The following CSMD2 variants were observed in gnomAD, a reference collection of about 807,000 sequenced individuals.
The protein encoded by CSMD2 is CUB and Sushi multiple domains 2.
A neutral mutation model predicts 398.5 loss-of-function variants in CSMD2; 130 were observed. That is an observed-to-expected ratio of 0.33 (90% confidence interval 0.28 to 0.38). The LOEUF (loss-of-function observed/expected upper bound fraction) is 0.38. Among genes scored for constraint, CSMD2 ranks in the 10% least tolerant of loss-of-function variants. CSMD2 has a pLI of 1.00. For synonymous variants in CSMD2, 1,828 were observed against 1,908.5 expected (o/e 0.96, Z 1.10); for missense variants, 3,829 against 4,764.9 (o/e 0.80, Z 5.78).
At chr1:33,557,963 T>C in intron 54 of CSMD2, 41 bp from the exon 55 acceptor site, 1 of 1,504,486 alleles carries the variant, frequency 6.6e-7, no homozygotes, top group African/African-American at 1.4e-5. Context: ...GGATTCCCAG[T>C]ATAGTAAAAT....
intron 41 of CSMD2, 91 bp from the exon 42 acceptor site, chr1:33,605,561 G>T: frequency 7.9e-7 from 1 of 1,262,800 alleles, no homozygotes; most frequent in Non-Finnish European, 1.1e-6. Flanking sequence ...TCAAGATTTG[G>T]ACTCAGATGG....
At chr1:33,563,791 A>C (rs1658797323) in intron 53 of CSMD2, among the ~76,000 whole-genome samples, 2 of 152,266 alleles carry the variant, frequency 1.3e-5, no homozygotes, top group African/African-American at 4.8e-5. Context: ...ATTGTCAAAC[A>C]GCTGTATGGA....
intron 6 of CSMD2, among the ~76,000 whole-genome samples, chr1:33,842,936 G>C (rs1661000398): frequency 6.6e-6 from 1 of 152,136 alleles, no homozygotes; most frequent in African/African-American, 2.4e-5. Context: ...GCTTGACCTG[G>C]AACATATCTT....
At chr1:33,831,689 A>C (rs1659583977) in intron 6 of CSMD2, among the ~76,000 whole-genome samples, 1 of 152,210 alleles carries the variant, frequency 6.6e-6, no homozygotes, top group South Asian at 2.1e-4. Flanking sequence ...AATGGACTAA[A>C]TGCTCCAATT....
rs144356782 is a variant in CSMD2, at chr1:33,519,622, G to A, written c.10792C>T (p.Arg3598Trp). 3.7e-6 allele frequency: 6 copies of A among 1,614,082 alleles called. No homozygotes were observed. The highest frequency in any genetic ancestry group is 1.6e-4 in the Middle Eastern group (1 of 6,062). The change falls in exon 70 of 71, where the codon CGG (arginine) becomes TGG (tryptophan). Residue 3598 changes from arginine to tryptophan, a missense_variant. Physicochemically the swap from Arg to Trp is moderately radical, Grantham distance 101. Around this residue, in one of 5 missense-constraint regions of CSMD2, gnomAD observed 917 missense variants for 1,199.5 expected, o/e 0.76. Coordinates refer to ENST00000373381, the MANE Select transcript of CSMD2 (RefSeq NM_001281956.2). The surrounding 1 kb of genome is among the most constrained non-coding windows in gnomAD (Gnocchi z 5.6). ...GYAGHENTNV[R>W]ATFENPMYDR... ...TACATTGGGTTCTCAAATGTGGCCC[G>A]AACATTGGTGTTCTCGTGGCCAGCA...
chr1:33,632,596 T>C (rs1267876145), intron 32 of CSMD2, among the ~76,000 whole-genome samples: 1 of 152,180 alleles, frequency 6.6e-6, no homozygotes, highest in Non-Finnish European at 1.5e-5. Context: ...TTTTGTTTTT[T>C]TAATTACCTG....
intron 10 of CSMD2, among the ~76,000 whole-genome samples, chr1:33,806,231 GCTGA>G (rs1490001263): frequency 1.3e-5 from 2 of 152,166 alleles, no homozygotes; most frequent in African/African-American, 2.4e-5. Context: ...GGATCTGGAG[GCTGA>G]CTGTTTATCT....
chr1:33,663,883 G>A (rs1193747875), intron 25 of CSMD2, among the ~76,000 whole-genome samples: 2 of 152,078 alleles, frequency 1.3e-5, no homozygotes, highest in Non-Finnish European at 2.9e-5. Flanking sequence ...AAGACAATAC[G>A]GTGTTCCCAT....
chr1:33,585,877 TTTATG>T (rs1639050491), intron 46 of CSMD2, among the ~76,000 whole-genome samples: 1 of 152,172 alleles, frequency 6.6e-6, no homozygotes, highest in African/African-American at 2.4e-5. Flanking sequence ...TCTAAACTGG[TTTATG>T]TTATTAACCC....
chr1:33,582,059 T>A (rs1638764127), intron 47 of CSMD2, among the ~76,000 whole-genome samples: 1 of 152,166 alleles, frequency 6.6e-6, no homozygotes. Context: ...AGCTCCAGCC[T>A]TCCTGGAGCG....
intron 1 of CSMD2, among the ~76,000 whole-genome samples, chr1:34,121,582 G>A (rs763638958): frequency 3.5e-4 from 54 of 152,268 alleles, no homozygotes; most frequent in Non-Finnish European, 3.2e-4. Flanking sequence ...TTGAAAACCT[G>A]CATTTCTAAT....
intron 13 of CSMD2, among the ~76,000 whole-genome samples, chr1:33,750,901 T>C (rs1327239612): frequency 6.6e-6 from 1 of 152,090 alleles, no homozygotes; most frequent in Non-Finnish European, 1.5e-5. Context: ...TTAGAAATCA[T>C]AAGGGAAATT....
chr1:33,542,208 G>C (rs1049827889), intron 58 of CSMD2, among the ~76,000 whole-genome samples: 1 of 152,220 alleles, frequency 6.6e-6, no homozygotes, highest in African/African-American at 2.4e-5. Flanking sequence ...CTACCCTTGA[G>C]AGAAGCAAGA....
intron 25 of CSMD2, among the ~76,000 whole-genome samples, chr1:33,672,435 A>G (rs988159450): frequency 1.8e-4 from 27 of 152,212 alleles, no homozygotes; most frequent in African/African-American, 6.3e-4. Context: ...GCCATTGCCC[A>G]GGCTTGAGTA....
chr1:33,615,075 A>C (rs2148851489), intron 39 of CSMD2, among the ~76,000 whole-genome samples: 1 of 152,352 alleles, frequency 6.6e-6, no homozygotes, highest in Non-Finnish European at 1.5e-5. Flanking sequence ...GCCCGGCACC[A>C]TGCCAGGCTC....
intron 2 of CSMD2, among the ~76,000 whole-genome samples, chr1:34,077,478 A>AG (rs1656553491): frequency 7.4e-6 from 1 of 134,352 alleles, no homozygotes; most frequent in African/African-American, 2.8e-5. Flanking sequence ...AAAAAAAAAA[A>AG]GCAGTGAGGA....
At chr1:33,998,115 G>A (rs1019344141) in intron 3 of CSMD2, among the ~76,000 whole-genome samples, 3 of 152,202 alleles carry the variant, frequency 2.0e-5, no homozygotes, top group Non-Finnish European at 4.4e-5. Context: ...TCCATTCACG[G>A]ATTAATGGGC....
At chr1:33,919,950 T>TG (rs1394485054) in intron 4 of CSMD2, among the ~76,000 whole-genome samples, 1 of 152,226 alleles carries the variant, frequency 6.6e-6, no homozygotes, top group Non-Finnish European at 1.5e-5. Flanking sequence ...GCTTACATTC[T>TG]GGTCAGAAGG....
chr1:34,022,369 AAGTC>A (rs1649017445), intron 3 of CSMD2, among the ~76,000 whole-genome samples: 1 of 152,212 alleles, frequency 6.6e-6, no homozygotes, highest in Non-Finnish European at 1.5e-5. Flanking sequence ...GACTTGCTCA[AAGTC>A]ACATGCTGGC....
Sources: allele counts gnomAD v4.1 joint callset (sites outside exome capture counted in the v4.1 genomes callset), GRCh38; gene constraint gnomAD v4.1.1; regional missense constraint gnomAD v4.1.1; non-coding constraint Gnocchi (gnomAD v3.1); transcripts MANE v1.5; gene names NCBI Gene and HGNC (gene_info 2026-07-23, HGNC 2026-07-21).